The following DIO2 variants were observed in gnomAD, a reference collection of about 807,000 sequenced individuals.
DIO2 encodes iodothyronine deiodinase 2.
Under a neutral mutation model 21.4 loss-of-function variants are expected in DIO2, and 19 were observed. The observed-to-expected ratio is 0.89, with a 90% CI of 0.62 to 1.30. DIO2 has a LOEUF of 1.30. Among genes scored for constraint, DIO2 ranks in the 50% most tolerant of loss-of-function variants. The pLI, the probability that DIO2 is intolerant of heterozygous loss-of-function variation, is 0.00. For missense variants in DIO2, 302 were observed against 338.1 expected, an observed-to-expected ratio of 0.89 and a Z score of 0.84; for synonymous variants, 122 against 132.9, an observed-to-expected ratio of 0.92 and a Z score of 0.57.
chr14:80,203,091 C>A lies in DIO2; in HGVS notation c.420G>T (p.Leu140=). The part of the protein sequence containing the change: ...SATUPPFTSQ[L]PAFRKLVEEF... Reference sequence around the variant, plus strand: ...CTTCCACCAGTTTGCGGAAGGCTGGCAGCTGGCTCGTGAAAGGAGGTCAAG... The same window carrying A: ...CTTCCACCAGTTTGCGGAAGGCTGGAAGCTGGCTCGTGAAAGGAGGTCAAG... The change falls in exon 2 of 2, where the codon CTG becomes CTT. Residue 140 remains leucine, a synonymous_variant. Transcript: ENST00000438257. 6.2e-7 allele frequency: 1 copy of A among 1,613,890 alleles called. No individual in the cohort carries two copies. Among genetic ancestry groups the A allele is most frequent in the South Asian group, 1.1e-5 (1 of 91,076 alleles).
intron 2 of DIO2, among the ~76,000 whole-genome samples, chr14:80,219,888 G>A (rs1346164774): frequency 6.6e-6 from 1 of 152,086 alleles, no homozygotes; most frequent in African/African-American, 2.4e-5. Context: ...TGTATACATC[G>A]TGTTTGTAAC....
Position 80,202,508 on chromosome 14 carries a change from A to C in DIO2, c.*181T>G. ...AGAGAGGTGATATGGTTACTTACTC[A>C]GCCCAATGCCATTTGAGTAGTGAAA... is the stretch of plus-strand genomic sequence containing the variant. On this transcript the variant is annotated 3_prime_UTR_variant, in exon 2 of 2. Coordinates refer to ENST00000438257, the MANE Select transcript of DIO2 (RefSeq NM_013989.5). The C allele has an allele frequency of 1.4e-6, 1 of 732,380 alleles. No homozygotes were observed. The highest frequency in any genetic ancestry group is 2.3e-6 in the Non-Finnish European group (1 of 428,808). 45.4% of individuals were successfully genotyped at this position (732,380 alleles called of 1,614,324 possible).
chr14:80,202,810 T>C lies in DIO2; in HGVS notation c.701A>G (p.Gln234Arg). 1.9e-6 allele frequency: 3 copies of C among 1,613,996 alleles called. No individual in the cohort carries two copies. The highest frequency in any genetic ancestry group is 2.5e-6 in the Non-Finnish European group (3 of 1,179,894). ...TCCCAGATAAGCAATTTTCTGTCTC[T>C]GCACAATGCACACACGTTCAAAGGC... is the stretch of plus-strand genomic sequence containing the variant. ...GVAFERVCIV[Q>R]RQKIAYLGGK... Residue 234 changes from glutamine to arginine, a missense_variant, in exon 2 of 2, where the codon CAG becomes CGG. Gln to Arg is a conservative substitution (Grantham distance 43). Transcript: ENST00000438257.
At position 80,224,219 on chromosome 14, in the gene DIO2, A is replaced by G. The variant is rs200506351; in HGVS notation, c.-277-7482T>C. Among the ~76,000 whole-genome samples, 12 of 152,282 alleles carry G rather than the reference A, an allele frequency of 7.9e-5. No homozygotes were observed. In the East Asian group the frequency reaches 2.3e-3, roughly 29 times the overall value. On this transcript the variant is annotated intron_variant, in intron 2 of 4. Transcript: ENST00000553594. ...GGTGAAGCAAATTGCCAAAGGTCACAATCTTTGAATTACAGAATTCTTATG... is the reference window on the plus strand; with the variant it reads ...GGTGAAGCAAATTGCCAAAGGTCACGATCTTTGAATTACAGAATTCTTATG...
Position 80,202,212 on chromosome 14 carries a change from C to A in DIO2, c.*477G>T. On this transcript the variant is annotated 3_prime_UTR_variant, in exon 2 of 2. Transcript: ENST00000438257. ...GTCTAACCTTAACACCAACGTCTAA[C>A]CACATGGCCTGGGTTCAAGGACTTG... 1 of 474,382 alleles carries A rather than the reference C, an allele frequency of 2.1e-6. No homozygotes were observed. Among genetic ancestry groups the A allele is most frequent in the Non-Finnish European group, 4.2e-6 (1 of 240,048 alleles). The allele number at this position is 474,382 out of a possible 1,614,324, so 29.4% of individuals were successfully genotyped here. A position where few individuals can be genotyped will look rare whatever the true frequency, so the allele number is the denominator to read the frequency against.
rs1051181699 is a variant in DIO2, at chr14:80,226,279, G to A, written c.-277-9542C>T. 3.7e-4 allele frequency among the ~76,000 whole-genome samples: 57 copies of A among 152,320 alleles called. 1 individual carries two copies. Among genetic ancestry groups the A allele is most frequent in the African/African-American group, 1.3e-3 (53 of 41,570 alleles). ...TCTATCAATCCAGCTGCTTCAGGAT[G>A]ATAGAGAACATGGTAAGACCAGTGA... On this transcript the variant is annotated intron_variant, in intron 2 of 4. Coordinates refer to the DIO2 transcript ENST00000553594.
At chr14:80,218,051 G>C (rs1046993741) in intron 2 of DIO2, among the ~76,000 whole-genome samples, 3 of 152,082 alleles carry the variant, frequency 2.0e-5, no homozygotes, top group African/African-American at 7.2e-5. Flanking sequence ...ATGCCATGTT[G>C]ATGGGTAATA....
At chr14:80,208,453 G>T (rs1287703751) in intron 1 of DIO2, among the ~76,000 whole-genome samples, 1 of 152,098 alleles carries the variant, frequency 6.6e-6, no homozygotes, top group Non-Finnish European at 1.5e-5. Flanking sequence ...AAAACACAGG[G>T]ATAATACTTT....
intron 2 of DIO2, among the ~76,000 whole-genome samples, chr14:80,222,903 G>C (rs1360712676): frequency 6.7e-6 from 1 of 149,628 alleles, no homozygotes; most frequent in African/African-American, 2.5e-5. Flanking sequence ...CATTGCCCAG[G>C]CTTCAGTGCA....
chr14:80,222,728 A>G (rs1888488820), intron 2 of DIO2, among the ~76,000 whole-genome samples: 1 of 152,156 alleles, frequency 6.6e-6, no homozygotes, highest in Admixed American at 6.5e-5. Flanking sequence ...AAAAACAGCA[A>G]TTTCATATGG....
intron 1 of DIO2, among the ~76,000 whole-genome samples, chr14:80,209,126 C>T (rs1888065362): frequency 6.6e-6 from 1 of 152,044 alleles, no homozygotes; most frequent in Non-Finnish European, 1.5e-5. Flanking sequence ...GAACACTATA[C>T]ATTGGTGAAA....
intron 1 of DIO2, among the ~76,000 whole-genome samples, chr14:80,204,873 A>G (rs1480620180): frequency 1.3e-5 from 2 of 152,190 alleles, no homozygotes; most frequent in Non-Finnish European, 2.9e-5. Context: ...GAAAAATCCT[A>G]GCAGGGAAGG....
At chr14:80,205,581 C>T in intron 1 of DIO2, 5 of 1,305,690 alleles carry the variant, frequency 3.8e-6, no homozygotes, top group Non-Finnish European at 5.0e-6. Context: ...TTGCTTTAGT[C>T]ACAGGGGACT....
chr14:80,228,522 T>C (rs1407900871), intron 2 of DIO2, among the ~76,000 whole-genome samples: 1 of 152,206 alleles, frequency 6.6e-6, no homozygotes, highest in Non-Finnish European at 1.5e-5. Flanking sequence ...TTTCAAGCCC[T>C]TGATGGTGGC....
intron 1 of DIO2, among the ~76,000 whole-genome samples, chr14:80,209,148 C>T (rs1252449637): frequency 1.3e-5 from 2 of 152,086 alleles, no homozygotes; most frequent in African/African-American, 4.8e-5. Context: ...AAACAATAAA[C>T]TTTATTGAAG....
upstream of DIO2, among the ~76,000 whole-genome samples, chr14:80,214,418 C>T (rs1367902095): frequency 2.6e-5 from 4 of 152,158 alleles, no homozygotes; most frequent in African/African-American, 7.2e-5. Context: ...CATATCCAGA[C>T]TTTAAGTGGT....
In DIO2 at chr14:80,200,430, C is replaced by G. The variant is rs1009364133; in HGVS notation, c.*2259G>C. On this transcript the variant is annotated 3_prime_UTR_variant, in exon 2 of 2. Coordinates refer to ENST00000438257, the MANE Select transcript of DIO2 (RefSeq NM_013989.5). ...CTGCCTCAGCCTAATCTCATCCCCC[C>G]ACCGGCTTATCTGACATACTGTTAC... The G allele has an allele frequency of 2.1e-4, 32 of 152,696 alleles. 1 individual carries two copies. The highest frequency in any genetic ancestry group is 7.2e-4 in the African/African-American group (30 of 41,552). 9.5% of individuals were successfully genotyped at this position (152,696 alleles called of 1,614,324 possible). A position where few individuals can be genotyped will look rare whatever the true frequency, so the allele number is the denominator to read the frequency against.
intron 2 of DIO2, among the ~76,000 whole-genome samples, chr14:80,223,481 ATAG>A (rs1482784735): frequency 6.6e-6 from 1 of 152,192 alleles, no homozygotes; most frequent in Non-Finnish European, 1.5e-5. Flanking sequence ...TTATACTACA[ATAG>A]TAATGAGAAG....
At position 80,216,853 on chromosome 14, in the gene DIO2, G is replaced by A. The variant is rs1483030341; in HGVS notation, c.-277-116C>T. ...ATTCCTCGGCTCGTAGGAAACCACC[G>A]GATGATATTAAGTTTTAAAATAAAA... On this transcript the variant is annotated intron_variant, in intron 2 of 4. Transcript: ENST00000553594. The A allele has an allele frequency of 3.9e-5, 6 of 151,996 alleles. No individual in the cohort carries two copies. The East Asian group carries it at 7.7e-4, about 20-fold the overall frequency. The allele number at this position is 151,996 out of a possible 1,614,324, so 9.4% of individuals were successfully genotyped here. A position where few individuals can be genotyped will look rare whatever the true frequency, so the allele number is the denominator to read the frequency against.
Sources: gnomAD v4.1 joint callset for allele counts (sites outside exome capture counted in the v4.1 genomes callset) on GRCh38, gnomAD v4.1.1 for gene constraint, MANE v1.5 for transcripts, NCBI Gene and HGNC (gene_info 2026-07-23, HGNC 2026-07-21) for gene names.